Variants in PI4K2B observed in about 807,000 individuals in gnomAD.
PI4K2B encodes phosphatidylinositol 4-kinase type 2 beta.
PI4K2B carries 46 observed loss-of-function variants against 56.6 expected under a neutral mutation model. That is an observed-to-expected ratio of 0.81 (90% CI 0.64 to 1.04). The LOEUF is 1.04. Ranked by LOEUF, PI4K2B falls within the 50% of genes least tolerant of loss-of-function variation. The pLI is 0.00. For synonymous variants in PI4K2B, 211 were observed against 223.8 expected, an observed-to-expected ratio of 0.94 and a Z score of 0.51; for missense variants, 556 against 607.7, an observed-to-expected ratio of 0.91 and a Z score of 0.89.
At chr4:25,259,237 A>G (rs1318792421) in intron 5 of PI4K2B, 47 bp downstream of exon 5, 1 of 1,258,546 alleles carries the variant, frequency 7.9e-7, no homozygotes. Context: ...TTCATTTTCA[A>G]ACTATATTCT....
Position 25,277,227 on chromosome 4 carries a change from C to T in PI4K2B, c.*40C>T. The T allele has an allele frequency of 6.5e-7, 1 of 1,540,330 alleles. No individual in the cohort carries two copies. The highest frequency in any genetic ancestry group is 1.7e-4 in the Middle Eastern group (1 of 5,754). On this transcript the variant is annotated 3_prime_UTR_variant, in exon 10 of 10. Coordinates refer to ENST00000264864, the MANE Select transcript of PI4K2B (RefSeq NM_018323.4). ...AGAGAAACAAACTGTTTAGAATTAT[C>T]ATGTTTTTAAAACATCATAGTAATA...
chr4:25,234,944 A>G (rs1047031009), intron 1 of PI4K2B, among the ~76,000 whole-genome samples: 3 of 152,200 alleles, frequency 2.0e-5, no homozygotes, highest in African/African-American at 7.2e-5. Context: ...GGGCAAAAGC[A>G]GTTGAAAGTC....
At chr4:25,250,264 A>G (rs750258749) in intron 1 of PI4K2B, among the ~76,000 whole-genome samples, 5 of 152,180 alleles carry the variant, frequency 3.3e-5, no homozygotes, top group Admixed American at 6.5e-5. Flanking sequence ...TTTAAGAGCC[A>G]TAAAAAAGAA....
At chr4:25,261,442 A>C (rs1315646536) in intron 6 of PI4K2B, among the ~76,000 whole-genome samples, 2 of 152,004 alleles carry the variant, frequency 1.3e-5, no homozygotes, top group African/African-American at 4.8e-5. Context: ...AGATATTTAC[A>C]TAAGATTTTT....
intron 6 of PI4K2B, 152 bp downstream of exon 6, chr4:25,260,743 C>T (rs989498805): frequency 2.7e-5 from 7 of 254,832 alleles, no homozygotes; most frequent in Non-Finnish European, 5.3e-5. Context: ...GTAAAAGATT[C>T]CTTTAAGTTA....
At chr4:25,260,473 C>T in intron 5 of PI4K2B, 51 bp from the exon 6 acceptor site, 1 of 726,900 alleles carries the variant, frequency 1.4e-6, no homozygotes, top group Non-Finnish European at 2.2e-6. Context: ...TGATATTAAG[C>T]CATGATGTCC....
chr4:25,246,971 A>G (rs1715814139), intron 1 of PI4K2B, among the ~76,000 whole-genome samples: 1 of 152,212 alleles, frequency 6.6e-6, no homozygotes. Flanking sequence ...CGCCGCATGC[A>G]GCTCCAGTTC....
intron 6 of PI4K2B, among the ~76,000 whole-genome samples, chr4:25,261,791 A>G (rs1716487911): frequency 1.3e-5 from 2 of 152,240 alleles, no homozygotes; most frequent in South Asian, 2.1e-4. Flanking sequence ...AAAACAGACC[A>G]GTAGCTGGAC....
chr4:25,256,417 C>T (rs1276119487), intron 3 of PI4K2B, 126 bp from the exon 4 acceptor site: 2 of 847,854 alleles, frequency 2.4e-6, no homozygotes, highest in Non-Finnish European at 3.6e-6. Context: ...GTTTTAGATT[C>T]TCTGGGGCCT....
intron 7 of PI4K2B, among the ~76,000 whole-genome samples, chr4:25,265,670 C>T (rs1172504678): frequency 6.6e-6 from 1 of 152,116 alleles, no homozygotes; most frequent in Non-Finnish European, 1.5e-5. Flanking sequence ...TCCATTATTA[C>T]TATTTCTAAG....
rs553914176 is a variant in PI4K2B, at chr4:25,256,739, C to A, written c.756+65C>A. The A allele has an allele frequency of 8.4e-6, 12 of 1,427,138 alleles. No individual in the cohort carries two copies. In the East Asian group the frequency reaches 2.3e-4, roughly 27 times the overall value. The allele number at this position is 1,427,138 out of a possible 1,614,324, so 88.4% of individuals were successfully genotyped here. On this transcript the variant is annotated intron_variant, in intron 4 of 9. Coordinates refer to ENST00000264864, the MANE Select transcript of PI4K2B (RefSeq NM_018323.4). ...GCACATACATCCTGAGCTCTAGGAG[C>A]CAGGCATTGTGCTATTAGCTGTGGA...
intron 7 of PI4K2B, among the ~76,000 whole-genome samples, chr4:25,266,028 C>CT (rs570733940): frequency 0.039 from 5,221 of 134,426 alleles, 150 homozygotes; most frequent in African/African-American, 0.081. Context: ...CTGGTGGCTT[C>CT]TTTTTTTTTT....
At chr4:25,268,379 G>T in intron 7 of PI4K2B, 64 bp from the exon 8 acceptor site, 1 of 1,387,136 alleles carries the variant, frequency 7.2e-7, no homozygotes, top group Non-Finnish European at 1.0e-6. Context: ...AAAGAACCGG[G>T]AAAAATGTAA....
intron 9 of PI4K2B, among the ~76,000 whole-genome samples, chr4:25,273,393 T>TA (rs989921064): frequency 1.3e-5 from 2 of 152,212 alleles, no homozygotes; most frequent in Non-Finnish European, 2.9e-5. Flanking sequence ...GAGATTTATA[T>TA]ACCAGAAACT....
intron 1 of PI4K2B, among the ~76,000 whole-genome samples, chr4:25,245,783 T>A (rs1715740986): frequency 6.6e-6 from 1 of 152,156 alleles, no homozygotes; most frequent in Non-Finnish European, 1.5e-5. Context: ...GGCGATGGTC[T>A]CACTGCTCGG....
intron 1 of PI4K2B, among the ~76,000 whole-genome samples, chr4:25,243,286 T>C (rs1247085644): frequency 1.3e-5 from 2 of 152,224 alleles, no homozygotes; most frequent in Non-Finnish European, 2.9e-5. Flanking sequence ...TCTGGGGCAG[T>C]GCACCTTCCA....
intron 6 of PI4K2B, 39 bp downstream of exon 6, chr4:25,260,630 A>G (rs1421949790): frequency 1.8e-5 from 3 of 164,728 alleles, no homozygotes; most frequent in Non-Finnish European, 3.2e-5. Flanking sequence ...ATATATATAT[A>G]TATATATATA....
intron 4 of PI4K2B, 22 bp from the exon 5 acceptor site, chr4:25,259,015 A>G (rs749912486): frequency 1.1e-5 from 14 of 1,300,536 alleles, no homozygotes; most frequent in Non-Finnish European, 1.5e-5. Flanking sequence ...TTCTTTTCTA[A>G]CTATAGTTCT....
At chr4:25,262,880 C>T (rs903552627) in intron 6 of PI4K2B, among the ~76,000 whole-genome samples, 1 of 152,136 alleles carries the variant, frequency 6.6e-6, no homozygotes, top group Non-Finnish European at 1.5e-5. Context: ...AAGTTAGGAA[C>T]GGCCTACTGT....
Sources: allele counts gnomAD v4.1 joint callset (sites outside exome capture counted in the v4.1 genomes callset), GRCh38; gene constraint gnomAD v4.1.1; transcripts MANE v1.5; gene names NCBI Gene and HGNC (gene_info 2026-07-23, HGNC 2026-07-21).